Variants in PCDHB2 observed in about 807,000 individuals in gnomAD.
PCDHB2 encodes the protein protocadherin beta-2.
For synonymous variants in PCDHB2, 395 were observed against 464.9 expected (o/e 0.85, Z 1.93); for missense variants, 914 against 1,023.1 (o/e 0.89, Z 1.45).
At position 141,096,424 on chromosome 5, in the gene PCDHB2, G is replaced by A; in HGVS notation, c.1634G>A (p.Ser545Asn). The A allele has an allele frequency of 6.2e-7, 1 of 1,611,742 alleles. No individual in the cohort carries two copies. The highest frequency in any genetic ancestry group is 8.5e-7 in the Non-Finnish European group (1 of 1,179,582). Residue 545 changes from serine to asparagine, a missense_variant, in exon 1 of 1, where the codon AGC becomes AAC. Transcript: ENST00000194155. Reference sequence around the variant, plus strand: ...GACCGCGGCTCCCCGGCGTTGAGCAGCGAGGCGCTGGTGCGCGTGCTGGTG... The same window carrying A: ...GACCGCGGCTCCCCGGCGTTGAGCAACGAGGCGCTGGTGCGCGTGCTGGTG... ...AADRGSPALS[S>N]EALVRVLVLD...
Position 141,096,001 on chromosome 5 carries a change from C to G in PCDHB2, c.1211C>G (p.Thr404Ser). 6.2e-7 allele frequency: 1 copy of G among 1,614,176 alleles called. No individual in the cohort carries two copies. Among genetic ancestry groups the G allele is most frequent in the Non-Finnish European group, 8.5e-7 (1 of 1,180,038 alleles). ...AAACCTTCTGTTGAGAACTTTTACA[C>G]TCTGGTGATAAGCACGGCCCTGGAC... The part of the protein sequence containing the change: ...FLKPSVENFY[T>S]LVISTALDRE... The change falls in exon 1 of 1, where the codon ACT (threonine) becomes AGT (serine). Residue 404 changes from threonine to serine, a missense_variant. By Grantham distance (58) the Thr-to-Ser change is moderately conservative. Coordinates refer to ENST00000194155, the MANE Select transcript of PCDHB2 (RefSeq NM_018936.4).
At position 141,096,656 on chromosome 5, in the gene PCDHB2, C is replaced by G. The variant is rs782399165; in HGVS notation, c.1866C>G (p.His622Gln). 115 of 1,609,462 alleles carry G rather than the reference C, an allele frequency of 7.1e-5. No homozygotes were observed. Among genetic ancestry groups the G allele is most frequent in the Admixed American group, 3.3e-5 (2 of 59,968 alleles). The stretch of plus-strand genomic sequence containing the variant: ...CCGGGCTGTTCGGCGTGTGGGCGCA[C>G]AATGGCGAGGTGCGCACCGCCAGGC... ...TEPGLFGVWA[H>Q]NGEVRTARLL... The change falls in exon 1 of 1, where the codon CAC (histidine) becomes CAG (glutamine). Residue 622 changes from histidine (H) to glutamine (Q), a missense_variant. By Grantham distance (24) the His-to-Gln change is conservative. Transcript: ENST00000194155.
Position 141,096,487 on chromosome 5 carries a change from C to A in PCDHB2, c.1697C>A (p.Pro566Gln), listed in dbSNP as rs1446253007. ...GACAACTCGCCCTTCGTGCTGTACCCGCTGCAGAACGGCTCCGCGCCCTGC... is the reference window on the plus strand; with the variant it reads ...GACAACTCGCCCTTCGTGCTGTACCAGCTGCAGAACGGCTCCGCGCCCTGC... Reference protein sequence around the residue: ...ANDNSPFVLYPLQNGSAPCTE... With the variant: ...ANDNSPFVLYQLQNGSAPCTE... The change falls in exon 1 of 1, where the codon CCG becomes CAG. Residue 566 changes from proline (P) to glutamine (Q), a missense_variant. Coordinates refer to ENST00000194155, the MANE Select transcript of PCDHB2 (RefSeq NM_018936.4). 1.9e-6 allele frequency: 3 copies of A among 1,610,122 alleles called. No homozygotes were observed. The highest frequency in any genetic ancestry group is 2.5e-6 in the Non-Finnish European group (3 of 1,178,954).
At position 141,096,650 on chromosome 5, in the gene PCDHB2, G is replaced by T. The variant is rs1751834601; in HGVS notation, c.1860G>T (p.Trp620Cys). Residue 620 changes from tryptophan (W) to cysteine (C), a missense_variant, in exon 1 of 1, where the codon TGG (tryptophan) becomes TGT (cysteine). Transcript: ENST00000194155. ...KATEPGLFGV[W>C]AHNGEVRTAR... Reference sequence around the variant, plus strand: ...CGGAGCCCGGGCTGTTCGGCGTGTGGGCGCACAATGGCGAGGTGCGCACCG... The same window carrying T: ...CGGAGCCCGGGCTGTTCGGCGTGTGTGCGCACAATGGCGAGGTGCGCACCG... The T allele has an allele frequency of 6.2e-7, 1 of 1,609,102 alleles. No individual in the cohort carries two copies. Among genetic ancestry groups the T allele is most frequent in the South Asian group, 1.1e-5 (1 of 90,966 alleles).
rs200017011 is a variant in PCDHB2 at position 141,095,773 on chromosome 5, G to A, written c.983G>A (p.Gly328Asp). 1.2e-6 allele frequency: 2 copies of A among 1,614,014 alleles called. No individual in the cohort carries two copies. Among genetic ancestry groups the A allele is most frequent in the Non-Finnish European group, 1.7e-6 (2 of 1,180,026 alleles). ...TVNIQATDGGGLSGTCVVFVQ... is the reference protein window; with the variant it reads ...TVNIQATDGGDLSGTCVVFVQ... Reference sequence around the variant, plus strand: ...AATATTCAGGCGACAGATGGTGGGGGCCTATCTGGAACTTGTGTGGTATTT... The same window carrying A: ...AATATTCAGGCGACAGATGGTGGGGACCTATCTGGAACTTGTGTGGTATTT... The change falls in exon 1 of 1, where the codon GGC becomes GAC. Residue 328 changes from glycine (G) to aspartate (D), a missense_variant. Gly to Asp is a moderately conservative substitution (Grantham distance 94). Transcript: ENST00000194155.
chr5:141,096,544 G>T lies in PCDHB2; in HGVS notation c.1754G>T (p.Gly585Val). ...TELVPRAAEP[G>V]YLVTKVVAVD... The stretch of plus-strand genomic sequence containing the variant: ...CTGGTGCCCCGGGCGGCCGAGCCGG[G>T]CTACCTGGTGACCAAGGTGGTGGCG... The change falls in exon 1 of 1, where the codon GGC becomes GTC. Residue 585 changes from glycine to valine, a missense_variant. Transcript: ENST00000194155. The T allele has an allele frequency of 6.2e-7, 1 of 1,606,878 alleles. No homozygotes were observed. Among genetic ancestry groups the T allele is most frequent in the Non-Finnish European group, 8.5e-7 (1 of 1,178,000 alleles).
chr5:141,094,963 TAGG>T lies in PCDHB2; in HGVS notation c.176_178del (p.Gly59del). On this transcript the variant is annotated inframe_deletion, in exon 1 of 1. Transcript: ENST00000194155. ...TTGTTAAAAGACCTGGGGCTGGAGA[TAGG>T]AGAACTTGCTGTGAGGGGGGCCAGG... is the stretch of plus-strand genomic sequence containing the variant. The T allele has an allele frequency of 1.2e-6, 2 of 1,613,870 alleles. No individual in the cohort carries two copies. Among genetic ancestry groups the T allele is most frequent in the Non-Finnish European group, 1.7e-6 (2 of 1,179,936 alleles).
In PCDHB2 at chr5:141,094,664, C is replaced by G; in HGVS notation, c.-127C>G. The G allele has an allele frequency of 1.5e-6, 1 of 678,680 alleles. No individual in the cohort carries two copies. The highest frequency in any genetic ancestry group is 2.4e-6 in the Non-Finnish European group (1 of 418,038). The allele number at this position is 678,680 out of a possible 1,614,324, so 42.0% of individuals were successfully genotyped here. Reference sequence around the variant, plus strand: ...AGCAGGAAGAGGAGGCTTTCTAAGGCGGTCGCTCCGGGAAATCCGGGCCCT... The same window carrying G: ...AGCAGGAAGAGGAGGCTTTCTAAGGGGGTCGCTCCGGGAAATCCGGGCCCT... On this transcript the variant is annotated 5_prime_UTR_variant, in exon 1 of 1. Transcript: ENST00000194155.
At position 141,095,035 on chromosome 5, in the gene PCDHB2, A is replaced by T; in HGVS notation, c.245A>T (p.Gln82Leu). ...GKKMHLQFDR[Q>L]TGDLLLNEKL... The stretch of plus-strand genomic sequence containing the variant: ...AAAATGCATTTGCAGTTCGATAGGC[A>T]GACCGGGGATTTGTTGTTAAATGAG... Residue 82 changes from glutamine to leucine, a missense_variant, in exon 1 of 1, where the codon CAG becomes CTG. Coordinates refer to ENST00000194155, the MANE Select transcript of PCDHB2 (RefSeq NM_018936.4). The T allele has an allele frequency of 6.2e-7, 1 of 1,614,084 alleles. No individual in the cohort carries two copies. The highest frequency in any genetic ancestry group is 1.3e-5 in the African/African-American group (1 of 75,036).
At position 141,095,391 on chromosome 5, in the gene PCDHB2, G is replaced by C. The variant is rs369042825; in HGVS notation, c.601G>C (p.Ala201Pro). ...IILPQLVLNR[A>P]LDREEQPEIR... ...ATTACCACAGCTGGTGCTGAACAGA[G>C]CCCTGGATCGCGAGGAGCAGCCTGA... Residue 201 changes from alanine to proline, a missense_variant, in exon 1 of 1, where the codon GCC becomes CCC. Ala to Pro is a conservative substitution (Grantham distance 27, BLOSUM62 -1). Coordinates refer to ENST00000194155, the MANE Select transcript of PCDHB2 (RefSeq NM_018936.4). 4 of 1,614,110 alleles carry C rather than the reference G, an allele frequency of 2.5e-6. No individual in the cohort carries two copies. The highest frequency in any genetic ancestry group is 3.4e-6 in the Non-Finnish European group (4 of 1,180,006).
chr5:141,095,038 C>T lies in PCDHB2; in HGVS notation c.248C>T (p.Thr83Ile). 1.2e-6 allele frequency: 2 copies of T among 1,613,930 alleles called. No homozygotes were observed. Among genetic ancestry groups the T allele is most frequent in the Non-Finnish European group, 1.7e-6 (2 of 1,179,958 alleles). The change falls in exon 1 of 1, where the codon ACC becomes ATC. Residue 83 changes from threonine (T) to isoleucine (I), a missense_variant. By Grantham distance (89) the Thr-to-Ile change is moderately conservative. Coordinates refer to ENST00000194155, the MANE Select transcript of PCDHB2 (RefSeq NM_018936.4). Reference sequence around the variant, plus strand: ...ATGCATTTGCAGTTCGATAGGCAGACCGGGGATTTGTTGTTAAATGAGAAA... The same window carrying T: ...ATGCATTTGCAGTTCGATAGGCAGATCGGGGATTTGTTGTTAAATGAGAAA... ...KKMHLQFDRQ[T>I]GDLLLNEKLD... is the part of the protein sequence containing the mutation.
chr5:141,096,989 C>T lies in PCDHB2; in HGVS notation c.2199C>T (p.Pro733=), dbSNP rs13177076. ...GTCGCTGCTCGGTGCCCGAGGGCCC[C>T]TTTCCAGGGCAGATGGTGGACGTGA... The part of the protein sequence containing the change: ...SVGRCSVPEG[P]FPGQMVDVSG... Residue 733 remains proline, a synonymous_variant, in exon 1 of 1, where the codon CCC becomes CCT. Coordinates refer to ENST00000194155, the MANE Select transcript of PCDHB2 (RefSeq NM_018936.4). The T allele has an allele frequency of 1.9e-6, 3 of 1,613,366 alleles. No homozygotes were observed. Among genetic ancestry groups the T allele is most frequent in the African/African-American group, 1.3e-5 (1 of 75,034 alleles).
Position 141,097,198 on chromosome 5 carries a change from G to T in PCDHB2, c.*11G>T, listed in dbSNP as rs115333775. 3,618 of 1,598,082 alleles carry T rather than the reference G, an allele frequency of 2.3e-3. 76 individuals are homozygous for T. The African/African-American group carries it at 0.042, about 19-fold the overall frequency. On this transcript the variant is annotated 3_prime_UTR_variant, in exon 1 of 1. Coordinates refer to ENST00000194155, the MANE Select transcript of PCDHB2 (RefSeq NM_018936.4). Reference sequence around the variant, plus strand: ...TTTGAATTCACTTAAGTGTTAATAAGGATCTACTGAGGCTAGTCTCGTTTA... The same window carrying T: ...TTTGAATTCACTTAAGTGTTAATAATGATCTACTGAGGCTAGTCTCGTTTA...
At position 141,096,667 on chromosome 5, in the gene PCDHB2, T is replaced by G. The variant is rs1465737854; in HGVS notation, c.1877T>G (p.Val626Gly). 2 of 1,609,786 alleles carry G rather than the reference T, an allele frequency of 1.2e-6. No homozygotes were observed. Among genetic ancestry groups the G allele is most frequent in the Admixed American group, 1.7e-5 (1 of 59,992 alleles). ...GGCGTGTGGGCGCACAATGGCGAGG[T>G]GCGCACCGCCAGGCTGCTGAGGGAG... is the stretch of plus-strand genomic sequence containing the variant. ...LFGVWAHNGE[V>G]RTARLLRERD... The change falls in exon 1 of 1, where the codon GTG becomes GGG. Residue 626 changes from valine (V) to glycine (G), a missense_variant. Coordinates refer to ENST00000194155, the MANE Select transcript of PCDHB2 (RefSeq NM_018936.4).
chr5:141,096,407 C>G lies in PCDHB2; in HGVS notation c.1617C>G (p.Gly539=), dbSNP rs782118389. Residue 539 remains glycine, a synonymous_variant, in exon 1 of 1, where the codon GGC becomes GGG. Coordinates refer to ENST00000194155, the MANE Select transcript of PCDHB2 (RefSeq NM_018936.4). Reference sequence around the variant, plus strand: ...TCCGCGTGGGCGCCGCAGACCGCGGCTCCCCGGCGTTGAGCAGCGAGGCGC... The same window carrying G: ...TCCGCGTGGGCGCCGCAGACCGCGGGTCCCCGGCGTTGAGCAGCGAGGCGC... ...FEFRVGAADR[G]SPALSSEALV... The G allele has an allele frequency of 5.0e-6, 8 of 1,612,192 alleles. No homozygotes were observed. The East Asian group carries it at 1.3e-4, about 27-fold the overall frequency.
At position 141,098,256 on chromosome 5, in the gene PCDHB2, C is replaced by A. The variant is rs1000522248; in HGVS notation, c.*1069C>A. 1 of 152,126 alleles carries A rather than the reference C, an allele frequency of 6.6e-6. No homozygotes were observed. Among genetic ancestry groups the A allele is most frequent in the Non-Finnish European group, 1.5e-5 (1 of 68,016 alleles). The allele number at this position is 152,126 out of a possible 1,614,324, so 9.4% of individuals were successfully genotyped here. On this transcript the variant is annotated 3_prime_UTR_variant, in exon 1 of 1. Transcript: ENST00000194155. ...GCCCTCTGCTTATTCCAGTCCCCCCCTTTAAAATCTTTTAAAATTATTAAT... is the reference window on the plus strand; with the variant it reads ...GCCCTCTGCTTATTCCAGTCCCCCCATTTAAAATCTTTTAAAATTATTAAT...
chr5:141,096,407 C>A lies in PCDHB2; in HGVS notation c.1617C>A (p.Gly539=). ...TCCGCGTGGGCGCCGCAGACCGCGG[C>A]TCCCCGGCGTTGAGCAGCGAGGCGC... ...FEFRVGAADR[G]SPALSSEALV... Residue 539 remains glycine, a synonymous_variant, in exon 1 of 1, where the codon GGC becomes GGA. Transcript: ENST00000194155. 1 of 1,612,194 alleles carries A rather than the reference C, an allele frequency of 6.2e-7. No individual in the cohort carries two copies. Among genetic ancestry groups the A allele is most frequent in the South Asian group, 1.1e-5 (1 of 90,978 alleles).
rs782407137 is a variant in PCDHB2 at position 141,096,323 on chromosome 5, C to T, written c.1533C>T (p.Asp511=). ...PLASLVSINA[D]NGHLFALQSL... is the part of the protein sequence containing the mutation. ...CCTCCCTGGTCTCCATCAACGCGGA[C>T]AACGGCCACCTGTTCGCTCTCCAGT... The change falls in exon 1 of 1, where the codon GAC becomes GAT. Residue 511 remains aspartate, a synonymous_variant. Transcript: ENST00000194155. The T allele has an allele frequency of 1.9e-6, 3 of 1,613,386 alleles. No homozygotes were observed. The highest frequency in any genetic ancestry group is 2.2e-5 in the South Asian group (2 of 91,052).
Position 141,094,713 on chromosome 5 carries a change from T to A in PCDHB2, c.-78T>A. 8.3e-7 allele frequency: 1 copy of A among 1,206,188 alleles called. No homozygotes were observed. 74.7% of individuals were successfully genotyped at this position (1,206,188 alleles called of 1,614,324 possible). A position where few individuals can be genotyped will look rare whatever the true frequency, so the allele number is the denominator to read the frequency against. On this transcript the variant is annotated 5_prime_UTR_variant, in exon 1 of 1. Transcript: ENST00000194155. ...CTAGGATTGTCCACTCATCCCAGTA[T>A]CAGCGAGATACGGGGAGATAGAGTT...
Sources: gnomAD v4.1 joint callset for allele counts on GRCh38, gnomAD v4.1.1 for gene constraint, MANE v1.5 for transcripts, NCBI Gene and HGNC (gene_info 2026-07-23, HGNC 2026-07-21) for gene names.